Variants in PHACTR1 observed in about 807,000 individuals in gnomAD.
PHACTR1 encodes phosphatase and actin regulator 1, also known as RPEL repeat containing 1.
In PHACTR1, 16 loss-of-function variants were observed where a neutral mutation model predicts 69.2. That is an observed-to-expected ratio of 0.23 (90% confidence interval 0.16 to 0.35). The LOEUF (loss-of-function observed/expected upper bound fraction) is 0.35. Among genes scored for constraint, PHACTR1 ranks in the 10% least tolerant of loss-of-function variants. PHACTR1 has a pLI of 1.00. For missense variants in PHACTR1, 510 were observed against 734.7 expected (o/e 0.69, Z 3.54); for synonymous variants, 312 against 284.5 (o/e 1.10, Z -0.97).
At chr6:13,112,125 C>T (rs544940294) in intron 5 of PHACTR1, among the ~76,000 whole-genome samples, 1 of 152,162 alleles carries the variant, frequency 6.6e-6, no homozygotes, top group Admixed American at 6.5e-5. Context: ...GAGAACATGC[C>T]GTATTTGGTT....
chr6:13,021,218 T>C (rs780975851), intron 4 of PHACTR1, among the ~76,000 whole-genome samples: 1 of 152,184 alleles, frequency 6.6e-6, no homozygotes, highest in South Asian at 2.1e-4. Context: ...TCTATAGGTT[T>C]CCCTATTCTG....
intron 4 of PHACTR1, among the ~76,000 whole-genome samples, chr6:12,758,102 ACT>A (rs1767569275): frequency 6.6e-6 from 1 of 151,480 alleles, no homozygotes. Context: ...ACAAAGTGAA[ACT>A]CTGTCTCAAA....
At chr6:13,215,539 A>G (rs1309328702) in intron 8 of PHACTR1, among the ~76,000 whole-genome samples, 1 of 152,224 alleles carries the variant, frequency 6.6e-6, no homozygotes, top group Non-Finnish European at 1.5e-5. Flanking sequence ...CCAGGTTTTT[A>G]GAAGACATAG....
At chr6:12,725,051 A>T (rs1330946983) in intron 3 of PHACTR1, among the ~76,000 whole-genome samples, 1 of 152,152 alleles carries the variant, frequency 6.6e-6, no homozygotes, top group Non-Finnish European at 1.5e-5. Flanking sequence ...CAAAAAAGGG[A>T]AATGCCAGTT....
chr6:13,145,958 G>GC (rs1282902431), intron 5 of PHACTR1, among the ~76,000 whole-genome samples: 29 of 152,326 alleles, frequency 1.9e-4, no homozygotes, highest in African/African-American at 7.0e-4. Context: ...ATACACGAAA[G>GC]CCTATCTGTA....
At chr6:13,285,457 T>C (rs948917978) in intron 13 of PHACTR1, among the ~76,000 whole-genome samples, 5 of 152,062 alleles carry the variant, frequency 3.3e-5, no homozygotes, top group African/African-American at 1.2e-4. Context: ...AGGAGTGAGG[T>C]TGTCTCTGGC....
intron 10 of PHACTR1, among the ~76,000 whole-genome samples, chr6:13,257,652 C>G (rs570118554): frequency 6.0e-4 from 91 of 152,320 alleles, no homozygotes; most frequent in African/African-American, 2.0e-3. Context: ...GAGGCTGACA[C>G]TTTGCGCATG....
At chr6:12,764,074 A>G (rs894538405) in intron 4 of PHACTR1, among the ~76,000 whole-genome samples, 7 of 152,150 alleles carry the variant, frequency 4.6e-5, no homozygotes, top group African/African-American at 7.2e-5. Flanking sequence ...TGGAGAAGAA[A>G]TCACATGTTG....
chr6:12,880,618 T>C (rs545268500), intron 4 of PHACTR1, among the ~76,000 whole-genome samples: 23 of 152,196 alleles, frequency 1.5e-4, no homozygotes, highest in African/African-American at 5.5e-4. Flanking sequence ...AAAGAGTTCA[T>C]AGTCGTATAA....
At chr6:12,818,700 A>G (rs1339381906) in intron 4 of PHACTR1, among the ~76,000 whole-genome samples, 1 of 152,236 alleles carries the variant, frequency 6.6e-6, no homozygotes. Context: ...TAAAAAAATC[A>G]AAACCTTTAG....
intron 8 of PHACTR1, among the ~76,000 whole-genome samples, chr6:13,216,088 AAGG>A (rs1372929155): frequency 6.6e-6 from 1 of 152,220 alleles, no homozygotes; most frequent in Non-Finnish European, 1.5e-5. Flanking sequence ...AATATTGAAA[AAGG>A]AATCATTTTT....
chr6:13,234,545 G>A (rs1309973193), intron 10 of PHACTR1, among the ~76,000 whole-genome samples: 2 of 152,090 alleles, frequency 1.3e-5, no homozygotes, highest in African/African-American at 4.8e-5. Flanking sequence ...ACCACGATGT[G>A]TAGCATTCTA....
chr6:12,717,372 T>A (rs1761518958), intron 1 of PHACTR1, 137 bp from the exon 2 acceptor site: 1 of 152,190 alleles, frequency 6.6e-6, no homozygotes, highest in Non-Finnish European at 1.5e-5. Context: ...TGTTTTGTTT[T>A]TTTTTTAATG....
At chr6:12,969,273 G>A (rs1391678792) in intron 4 of PHACTR1, among the ~76,000 whole-genome samples, 1 of 152,194 alleles carries the variant, frequency 6.6e-6, no homozygotes, top group African/African-American at 2.4e-5. Flanking sequence ...GAGTCGCTGA[G>A]TATTGGATTG....
intron 4 of PHACTR1, among the ~76,000 whole-genome samples, chr6:12,910,068 T>A (rs1310848349): frequency 6.6e-6 from 1 of 152,202 alleles, no homozygotes; most frequent in Non-Finnish European, 1.5e-5. Flanking sequence ...CTCCTTTATA[T>A]GAGCCCATCT....
At chr6:13,120,747 G>A (rs1007578223) in intron 5 of PHACTR1, among the ~76,000 whole-genome samples, 9 of 152,176 alleles carry the variant, frequency 5.9e-5, no homozygotes, top group Non-Finnish European at 1.3e-4. Flanking sequence ...GAAAAACAGG[G>A]GGCATGGGGA....
intron 4 of PHACTR1, among the ~76,000 whole-genome samples, chr6:12,953,085 G>A (rs890028609): frequency 3.3e-5 from 5 of 152,290 alleles, no homozygotes; most frequent in Admixed American, 6.5e-5. Context: ...CACTTTGGGA[G>A]GCTGAGGCAT....
intron 5 of PHACTR1, among the ~76,000 whole-genome samples, chr6:13,113,442 C>T (rs143311476): frequency 1.2e-4 from 18 of 152,230 alleles, no homozygotes; most frequent in African/African-American, 3.9e-4. Flanking sequence ...AAGCAAGGGA[C>T]GCACCCTACC....
intron 5 of PHACTR1, among the ~76,000 whole-genome samples, chr6:13,115,377 A>ACTCTCTCTCTCCCTTT (rs1817666074): frequency 6.6e-6 from 1 of 151,550 alleles, no homozygotes; most frequent in Non-Finnish European, 1.5e-5. Context: ...CAACACAAAC[A>ACTCTCTCTCTCCCTTT]CTCTCTCTCT....
Sources: allele counts gnomAD v4.1 joint callset (sites outside exome capture counted in the v4.1 genomes callset), GRCh38; gene constraint gnomAD v4.1.1; transcripts MANE v1.5; gene names NCBI Gene and HGNC (gene_info 2026-07-23, HGNC 2026-07-21).